The following CAMK2D variants were observed in gnomAD, a reference collection of about 807,000 sequenced individuals.
CAMK2D encodes calcium/calmodulin dependent protein kinase II delta.
A neutral mutation model predicts 84.0 loss-of-function variants in CAMK2D; 37 were observed. The ratio of observed to expected loss-of-function variants is 0.44; its 90% CI spans 0.34 to 0.58. The LOEUF is 0.58. CAMK2D is among the 20% of genes least tolerant of loss of function. The pLI is 0.02. For missense variants in CAMK2D, 448 were observed against 652.5 expected (o/e 0.69, Z 3.41); for synonymous variants, 202 against 212.5 (o/e 0.95, Z 0.43).
intron 3 of CAMK2D, among the ~76,000 whole-genome samples, chr4:113,631,413 G>A (rs1028275103): frequency 2.2e-4 from 34 of 152,250 alleles, no homozygotes; most frequent in Admixed American, 6.5e-4. Context: ...GTTGAAGGTG[G>A]TACATTGATA....
intron 4 of CAMK2D, among the ~76,000 whole-genome samples, chr4:113,575,236 G>T (rs2098775025): frequency 6.6e-6 from 1 of 152,016 alleles, no homozygotes; most frequent in African/African-American, 2.4e-5. Context: ...GACAATAGAA[G>T]AACTAATATT....
chr4:113,720,156 G>C (rs547576249), intron 2 of CAMK2D, among the ~76,000 whole-genome samples: 2 of 152,110 alleles, frequency 1.3e-5, no homozygotes, highest in South Asian at 4.2e-4. Flanking sequence ...CAAATGTCTA[G>C]CATTTGAAGG....
intron 3 of CAMK2D, among the ~76,000 whole-genome samples, chr4:113,621,918 C>T (rs1379941597): frequency 6.6e-6 from 1 of 152,186 alleles, no homozygotes; most frequent in Non-Finnish European, 1.5e-5. Flanking sequence ...TCTAACAAGT[C>T]ATAGGTTTTA....
chr4:113,603,801 A>T (rs2098965736), intron 4 of CAMK2D, among the ~76,000 whole-genome samples: 1 of 143,784 alleles, frequency 7.0e-6, no homozygotes, highest in South Asian at 2.2e-4. Context: ...ATATATATAT[A>T]TTTAAAACAG....
rs1370463739 is a variant in CAMK2D at position 113,504,840 on chromosome 4, A to C, written c.1044+136T>G. ...GTCATATCATAGAAAGCAAAAAAAA[A>C]AAAAAACAAAACCCAACACCCAACG... On this transcript the variant is annotated intron_variant, in intron 14 of 20. Transcript: ENST00000511664. 1.3e-4 allele frequency: 46 copies of C among 365,534 alleles called. 1 individual carries two copies. Among genetic ancestry groups the C allele is most frequent in the Non-Finnish European group, 1.7e-4 (36 of 210,174 alleles). The allele number at this position is 365,534 out of a possible 1,614,324, so 22.6% of individuals were successfully genotyped here.
chr4:113,696,195 G>GACACACACACACACACACACACAC (rs56784441), intron 2 of CAMK2D, among the ~76,000 whole-genome samples: 1 of 144,534 alleles, frequency 6.9e-6, no homozygotes, highest in African/African-American at 2.5e-5. Flanking sequence ...CAGACACACA[G>GACACACACACACACACACACACAC]ACACACACAC....
At position 113,508,477 on chromosome 4, in the gene CAMK2D, C is replaced by T. The variant is rs531115488; in HGVS notation, c.984+1161G>A. Among the ~76,000 whole-genome samples the T allele has an allele frequency of 3.5e-4, 54 of 152,168 alleles. No homozygotes were observed. The South Asian group carries it at 9.7e-3, about 27-fold the overall frequency. On this transcript the variant is annotated intron_variant, in intron 13 of 20. Transcript: ENST00000511664. ...GAACTGTGAGCTCTCCATCACTGAA[C>T]GGTACAGGAAAGCCCAGGAGAAGAA...
At chr4:113,559,823 A>G (rs1183183619) in intron 4 of CAMK2D, among the ~76,000 whole-genome samples, 1 of 152,234 alleles carries the variant, frequency 6.6e-6, no homozygotes, top group Non-Finnish European at 1.5e-5. Flanking sequence ...GCTACTGTAG[A>G]TAATGGGTGA....
intron 4 of CAMK2D, among the ~76,000 whole-genome samples, chr4:113,591,602 C>T (rs2098884464): frequency 6.6e-6 from 1 of 152,188 alleles, no homozygotes; most frequent in Non-Finnish European, 1.5e-5. Flanking sequence ...ATCAGGATCA[C>T]ATTTTAATGC....
chr4:113,754,298 C>T (rs1051878797), intron 2 of CAMK2D: 1 of 977,108 alleles, frequency 1.0e-6, no homozygotes, highest in East Asian at 1.1e-4. Context: ...CAATCCAGCC[C>T]TAGAAATACT....
chr4:113,461,247 A>G (rs1173702784), intron 17 of CAMK2D, among the ~76,000 whole-genome samples: 1 of 151,268 alleles, frequency 6.6e-6, no homozygotes, highest in African/African-American at 2.5e-5. Context: ...GAAAAAACCA[A>G]TGAGCTTTCT....
chr4:113,748,546 G>T (rs1370223077), intron 2 of CAMK2D, among the ~76,000 whole-genome samples: 1 of 151,644 alleles, frequency 6.6e-6, no homozygotes, highest in Non-Finnish European at 1.5e-5. Flanking sequence ...ATAGCAAAAA[G>T]CAAAAATTAA....
chr4:113,491,392 T>C (rs1278853489), intron 16 of CAMK2D, among the ~76,000 whole-genome samples: 1 of 142,036 alleles, frequency 7.0e-6, no homozygotes, highest in Non-Finnish European at 1.5e-5. Context: ...CTGCATCTAT[T>C]GAGATAATCA....
chr4:113,465,483 T>C (rs1263991403), intron 17 of CAMK2D, 46 bp downstream of exon 17: 1 of 1,080,202 alleles, frequency 9.3e-7, no homozygotes, highest in South Asian at 1.3e-5. Flanking sequence ...ATATAAAAAA[T>C]ATATTTACCA....
intron 9 of CAMK2D, among the ~76,000 whole-genome samples, chr4:113,516,651 T>C (rs2098287935): frequency 1.3e-5 from 2 of 152,214 alleles, no homozygotes; most frequent in Admixed American, 6.5e-5. Context: ...CAGAAATGCA[T>C]TGAAGAGTTC....
intron 2 of CAMK2D, 187 bp downstream of exon 2, chr4:113,759,133 T>C: frequency 8.3e-6 from 3 of 361,118 alleles, no homozygotes; most frequent in East Asian, 8.2e-5. Context: ...ATAATAATTA[T>C]ATCTTTCCAT....
intron 2 of CAMK2D, among the ~76,000 whole-genome samples, chr4:113,745,676 T>C (rs1044859260): frequency 6.6e-6 from 1 of 152,126 alleles, no homozygotes; most frequent in Non-Finnish European, 1.5e-5. Context: ...CTCCCAAAGG[T>C]ATTTGCAGAA....
At chr4:113,737,442 T>C (rs912183160) in intron 2 of CAMK2D, among the ~76,000 whole-genome samples, 1 of 152,076 alleles carries the variant, frequency 6.6e-6, no homozygotes, top group African/African-American at 2.4e-5. Flanking sequence ...AGTAGTCAAA[T>C]TCACAGAGAC....
At chr4:113,507,169 T>C (rs1266635122) in intron 13 of CAMK2D, among the ~76,000 whole-genome samples, 2 of 152,066 alleles carry the variant, frequency 1.3e-5, no homozygotes, top group African/African-American at 2.4e-5. Flanking sequence ...TATTGAAAAA[T>C]AATAGGATAA....
Sources: allele counts gnomAD v4.1 joint callset (sites outside exome capture counted in the v4.1 genomes callset), GRCh38; gene constraint gnomAD v4.1.1; transcripts MANE v1.5; gene names NCBI Gene and HGNC (gene_info 2026-07-23, HGNC 2026-07-21).